RNF144A: variants seen among roughly 807,000 people sequenced by gnomAD.
RNF144A encodes the protein E3 ubiquitin-protein ligase RNF144A.
In RNF144A, 11 loss-of-function variants were observed where a neutral mutation model predicts 38.7. The ratio of observed to expected loss-of-function variants is 0.28; its 90% CI spans 0.18 to 0.47. The LOEUF is 0.47. Ranked by LOEUF, RNF144A falls within the 20% of genes least tolerant of loss-of-function variation. The pLI, the probability that RNF144A is intolerant of heterozygous loss-of-function variation, is 0.99. For synonymous variants in RNF144A, 149 were observed against 143.9 expected, an observed-to-expected ratio of 1.04 and a Z score of -0.25; for missense variants, 316 against 377.2, an observed-to-expected ratio of 0.84 and a Z score of 1.34.
At chr2:7,024,001 A>C (rs1446626721) in intron 6 of RNF144A, among the ~76,000 whole-genome samples, 5 of 152,244 alleles carry the variant, frequency 3.3e-5, no homozygotes, top group Admixed American at 3.3e-4. Flanking sequence ...TGGAAAGTAG[A>C]CAGCTCTGTG....
chr2:7,040,278 A>G lies in RNF144A; in HGVS notation c.*518A>G, dbSNP rs1332251077. On this transcript the variant is annotated 3_prime_UTR_variant, in exon 9 of 9. Coordinates refer to ENST00000320892, the MANE Select transcript of RNF144A (RefSeq NM_014746.6). ...TTTTTTTTCCAACTGAGTAGTGAAA[A>G]TCAACAAGGTGCATATAAACCATCC... 2.0e-6 allele frequency: 2 copies of G among 985,566 alleles called. No homozygotes were observed. The highest frequency in any genetic ancestry group is 3.5e-5 in the African/African-American group (2 of 57,236). 61.1% of individuals were successfully genotyped at this position (985,566 alleles called of 1,614,324 possible). A position where few individuals can be genotyped will look rare whatever the true frequency, so the allele number is the denominator to read the frequency against.
At chr2:7,048,669 C>G (rs1463761933), downstream of RNF144A, among the ~76,000 whole-genome samples, 1 of 152,214 alleles carries the variant, frequency 6.6e-6, no homozygotes, top group Non-Finnish European at 1.5e-5. Context: ...GGGGACCTTT[C>G]TAAGCTATGT....
chr2:6,992,766 G>GA (rs1376437393), intron 2 of RNF144A, among the ~76,000 whole-genome samples: 1 of 152,192 alleles, frequency 6.6e-6, no homozygotes, highest in Non-Finnish European at 1.5e-5. Context: ...GGAATCTGCT[G>GA]AATCTCTCTA....
rs957469805 is a variant in RNF144A at position 6,958,925 on chromosome 2, A to G, written c.-12+17778A>G. On this transcript the variant is annotated intron_variant, in intron 2 of 8. Transcript: ENST00000320892. This position sits in a 1 kb window ranked among gnomAD's most constrained non-coding sequence, Gnocchi z 4.5. ...CTCCCTAAAAGCTTCTCTTTTACCC[A>G]GTGACTCCCTAAATGGTGCATTAGA... Among the ~76,000 whole-genome samples, 2 of 152,158 alleles carry G rather than the reference A, an allele frequency of 1.3e-5. No homozygotes were observed. Among genetic ancestry groups the G allele is most frequent in the African/African-American group, 4.8e-5 (2 of 41,438 alleles).
intron 2 of RNF144A, among the ~76,000 whole-genome samples, chr2:6,969,830 C>T (rs536197285): frequency 2.0e-5 from 3 of 152,276 alleles, no homozygotes; most frequent in African/African-American, 7.2e-5. Flanking sequence ...GGCATGATCT[C>T]GGCTCACTGC....
At chr2:6,961,253 A>C (rs1391039480) in intron 2 of RNF144A, among the ~76,000 whole-genome samples, 1 of 152,190 alleles carries the variant, frequency 6.6e-6, no homozygotes, top group African/African-American at 2.4e-5. Flanking sequence ...TAGGCATTTA[A>C]CATGTTGCGA....
At chr2:6,959,396 G>A (rs1667194622) in intron 2 of RNF144A, among the ~76,000 whole-genome samples, 1 of 152,012 alleles carries the variant, frequency 6.6e-6, no homozygotes, top group African/African-American at 2.4e-5. Context: ...GGATCATGAT[G>A]TACAATTGCG....
intron 1 of RNF144A, among the ~76,000 whole-genome samples, chr2:6,932,467 T>C (rs1181672923): frequency 6.6e-6 from 1 of 152,220 alleles, no homozygotes; most frequent in East Asian, 1.9e-4. Flanking sequence ...GATTTTTTTT[T>C]CCTTAATATA....
intron 2 of RNF144A, among the ~76,000 whole-genome samples, chr2:6,972,243 A>G (rs185501048): frequency 2.0e-5 from 3 of 152,226 alleles, no homozygotes; most frequent in East Asian, 3.9e-4. Context: ...ACACTCAGTC[A>G]TTTGCCAGGC....
At chr2:6,960,472 G>C (rs1667267429) in intron 2 of RNF144A, among the ~76,000 whole-genome samples, 1 of 152,192 alleles carries the variant, frequency 6.6e-6, no homozygotes, top group Admixed American at 6.5e-5. Context: ...TTTTAAAAAG[G>C]CAATGAGAGT....
At chr2:7,061,667 A>G (rs1460956611) in intron 6 of RNF144A, among the ~76,000 whole-genome samples, 1 of 152,226 alleles carries the variant, frequency 6.6e-6, no homozygotes, top group South Asian at 2.1e-4. Context: ...AGGGCCTATG[A>G]TTTAGGCTGA....
At chr2:6,995,467 TC>T in intron 2 of RNF144A, among the ~76,000 whole-genome samples, 1 of 152,216 alleles carries the variant, frequency 6.6e-6, no homozygotes, top group Middle Eastern at 3.4e-3. Flanking sequence ...CGACGTGAGG[TC>T]CCACAGTAGG....
chr2:6,968,550 C>T (rs73914444), intron 2 of RNF144A, among the ~76,000 whole-genome samples: 1 of 152,242 alleles, frequency 6.6e-6, no homozygotes, highest in African/African-American at 2.4e-5. Flanking sequence ...CCTATGCCTG[C>T]TGGCCCATCG....
intron 1 of RNF144A, among the ~76,000 whole-genome samples, chr2:6,933,965 G>GT (rs1199280711): frequency 6.6e-6 from 1 of 151,802 alleles, no homozygotes; most frequent in African/African-American, 2.4e-5. Flanking sequence ...TTTTGTTTTT[G>GT]TTTTGTTTTG....
chr2:7,014,849 G>C, intron 5 of RNF144A, 77 bp downstream of exon 5: 1 of 1,035,914 alleles, frequency 9.7e-7, no homozygotes, highest in East Asian at 2.4e-5. Flanking sequence ...AGTTCTTTTG[G>C]TAGATATGGT....
chr2:6,948,033 C>T (rs917336372), intron 2 of RNF144A, among the ~76,000 whole-genome samples: 2 of 152,158 alleles, frequency 1.3e-5, no homozygotes, highest in South Asian at 2.1e-4. Flanking sequence ...ATCTAGGTCC[C>T]GAGGGAAGAG....
intron 2 of RNF144A, among the ~76,000 whole-genome samples, chr2:6,948,426 A>G (rs1666475956): frequency 6.6e-6 from 1 of 152,226 alleles, no homozygotes. Context: ...ATGTTTATAA[A>G]TGAATTTCCA....
At chr2:7,061,720 G>C (rs548557372) in intron 6 of RNF144A, among the ~76,000 whole-genome samples, 1 of 152,140 alleles carries the variant, frequency 6.6e-6, no homozygotes, top group Non-Finnish European at 1.5e-5. Context: ...CTTTGGTAAC[G>C]ATGGCATTGC....
At chr2:7,015,266 G>A (rs1488853278) in intron 5 of RNF144A, among the ~76,000 whole-genome samples, 2 of 152,194 alleles carry the variant, frequency 1.3e-5, no homozygotes, top group Non-Finnish European at 2.9e-5. Flanking sequence ...ATAGTAGGTG[G>A]TGAATGAATA....
Sources: allele counts gnomAD v4.1 joint callset (sites outside exome capture counted in the v4.1 genomes callset), GRCh38; gene constraint gnomAD v4.1.1; non-coding constraint Gnocchi (gnomAD v3.1); transcripts MANE v1.5; gene names NCBI Gene and HGNC (gene_info 2026-07-23, HGNC 2026-07-21).